The following UBE2S variants were observed in gnomAD, a reference collection of about 807,000 sequenced individuals.
UBE2S encodes the protein ubiquitin-conjugating enzyme E2 S.
In UBE2S, 3 loss-of-function variants were observed where a neutral mutation model predicts 12.3. That is an observed-to-expected ratio of 0.24 (90% CI 0.11 to 0.63). UBE2S has a LOEUF of 0.63. UBE2S is among the 30% of genes least tolerant of loss of function. UBE2S has a pLI of 0.85. For synonymous variants in UBE2S, 133 were observed against 142.0 expected (o/e 0.94, Z 0.45); for missense variants, 211 against 313.9 (o/e 0.67, Z 2.48).
chr19:55,404,040 C>T lies in UBE2S; in HGVS notation c.342+248G>A. 2.0e-6 allele frequency: 1 copy of T among 496,984 alleles called. No homozygotes were observed. The highest frequency in any genetic ancestry group is 3.6e-6 in the Non-Finnish European group (1 of 279,304). 30.8% of individuals were successfully genotyped at this position (496,984 alleles called of 1,614,324 possible). A position where few individuals can be genotyped will look rare whatever the true frequency, so the allele number is the denominator to read the frequency against. ...TAAAAAAAAGGGAGAAGAGAAAAAC[C>T]ATCCTACAATACAAACTCACCACTC... On this transcript the variant is annotated intron_variant, in intron 3 of 3. Transcript: ENST00000264552. The surrounding 1 kb of genome is among the most constrained non-coding windows in gnomAD (Gnocchi z 4.4).
chr19:55,403,266 C>T (rs139299958), intron 3 of UBE2S: 121 of 573,520 alleles, frequency 2.1e-4, no homozygotes, highest in African/African-American at 1.6e-3. Context: ...CTGAGTTTTA[C>T]GGCATGTAAG....
intron 3 of UBE2S, chr19:55,403,111 A>AGTGG: frequency 1.1e-6 from 1 of 898,560 alleles, no homozygotes; most frequent in Non-Finnish European, 1.8e-6. Context: ...ACTAGATGCT[A>AGTGG]GTGGCACCCC....
Position 55,401,220 on chromosome 19 carries a change from C to G in UBE2S, c.*216G>C, listed in dbSNP as rs2090055163. 1.6e-6 allele frequency: 1 copy of G among 623,336 alleles called. No homozygotes were observed. The highest frequency in any genetic ancestry group is 1.8e-5 in the African/African-American group (1 of 54,132). 38.6% of individuals were successfully genotyped at this position (623,336 alleles called of 1,614,324 possible). A position where few individuals can be genotyped will look rare whatever the true frequency, so the allele number is the denominator to read the frequency against. On this transcript the variant is annotated 3_prime_UTR_variant, in exon 4 of 4. Coordinates refer to ENST00000264552, the MANE Select transcript of UBE2S (RefSeq NM_014501.3). ...AGGACCCAGGGCCTGTGCAGGGGAG[C>G]CAAACTCCCAGAGCCACATGGCACC...
At chr19:55,407,127 G>A (rs1205001827) in intron 1 of UBE2S, among the ~76,000 whole-genome samples, 165 bp from the exon 2 acceptor site, 2 of 151,650 alleles carry the variant, frequency 1.3e-5, no homozygotes, top group Non-Finnish European at 2.9e-5. Flanking sequence ...ATCAGCCCAG[G>A]CAGAGTTTCC....
rs533831995 is a variant in UBE2S at position 55,404,246 on chromosome 19, AGAGGCAG to A, written c.342+35_342+41del. On this transcript the variant is annotated intron_variant, in intron 3 of 3. Transcript: ENST00000264552. This position sits in a 1 kb window ranked among gnomAD's most constrained non-coding sequence, Gnocchi z 4.4. ...ATGGCTCAGACACCAGCAGACCTCC[AGAGGCAG>A]GAGGCAGGAGGCCCAGCCCCAGCCC... 5.7e-5 allele frequency: 92 copies of A among 1,608,186 alleles called. No individual in the cohort carries two copies. The highest frequency in any genetic ancestry group is 7.5e-5 in the Non-Finnish European group (88 of 1,176,336).
At chr19:55,405,194 G>C (rs1448564830) in intron 2 of UBE2S, among the ~76,000 whole-genome samples, 1 of 134,854 alleles carries the variant, frequency 7.4e-6, no homozygotes, top group Admixed American at 7.8e-5. Context: ...TGGGCAACAA[G>C]AGCGAAACTC....
intron 3 of UBE2S, among the ~76,000 whole-genome samples, chr19:55,402,668 G>C (rs1192966061): frequency 6.6e-6 from 1 of 152,202 alleles, no homozygotes; most frequent in South Asian, 2.1e-4. Context: ...CCAAACTGCA[G>C]GTCTGGCTGC....
intron 3 of UBE2S, chr19:55,402,839 C>A (rs1164223202): frequency 1.1e-6 from 1 of 949,510 alleles, no homozygotes; most frequent in Non-Finnish European, 1.5e-6. Flanking sequence ...TACCTTGGAG[C>A]TCAATCCTCT....
At chr19:55,407,195 AC>A (rs113965331) in intron 1 of UBE2S, among the ~76,000 whole-genome samples, 21,258 of 114,938 alleles carry the variant, frequency 0.18, 1,452 homozygotes, top group South Asian at 0.29. Context: ...CCACCCCAGA[AC>A]CCCCCCCCCA....
rs1248617978 is a variant in UBE2S, at chr19:55,400,103, TTAG to T, written c.*1330_*1332del. 1 of 152,240 alleles carries T rather than the reference TTAG, an allele frequency of 6.6e-6. No individual in the cohort carries two copies. Among genetic ancestry groups the T allele is most frequent in the African/African-American group, 2.4e-5 (1 of 41,466 alleles). 9.4% of individuals were successfully genotyped at this position (152,240 alleles called of 1,614,324 possible). ...AGCCGTTTCAACCTCAGCTGTTTTA[TTAG>T]AATAGGCAAATTCTTTCAGGACAAA... On this transcript the variant is annotated 3_prime_UTR_variant, in exon 4 of 4. Coordinates refer to ENST00000264552, the MANE Select transcript of UBE2S (RefSeq NM_014501.3).
rs2090106195 is a variant in UBE2S at position 55,407,727 on chromosome 19, C to T, written c.-138G>A. On this transcript the variant is annotated 5_prime_UTR_variant, in exon 1 of 4. Coordinates refer to ENST00000264552, the MANE Select transcript of UBE2S (RefSeq NM_014501.3). ...GGCCCCGCTCCGCTCCCCGCTGCCT[C>T]CGACGTCCGCCGCGCACAGCGTAGA... 1 of 579,242 alleles carries T rather than the reference C, an allele frequency of 1.7e-6. No individual in the cohort carries two copies. The highest frequency in any genetic ancestry group is 4.6e-5 in the Admixed American group (1 of 21,688). 35.9% of individuals were successfully genotyped at this position (579,242 alleles called of 1,614,324 possible). A position where few individuals can be genotyped will look rare whatever the true frequency, so the allele number is the denominator to read the frequency against.
rs2090050394 is a variant in UBE2S at position 55,400,640 on chromosome 19, A to G, written c.*796T>C. ...CTGAAATCAGCCAACAACCATGAGC[A>G]TGGAAGAGGACCCAGACTAAGGAAC... On this transcript the variant is annotated 3_prime_UTR_variant, in exon 4 of 4. Transcript: ENST00000264552. The G allele has an allele frequency of 6.6e-6, 1 of 152,266 alleles. No homozygotes were observed. Among genetic ancestry groups the G allele is most frequent in the Admixed American group, 6.5e-5 (1 of 15,280 alleles). The allele number at this position is 152,266 out of a possible 1,614,324, so 9.4% of individuals were successfully genotyped here. A position where few individuals can be genotyped will look rare whatever the true frequency, so the allele number is the denominator to read the frequency against.
chr19:55,403,494 A>G (rs1344810644), intron 3 of UBE2S, among the ~76,000 whole-genome samples: 1 of 148,404 alleles, frequency 6.7e-6, no homozygotes, highest in African/African-American at 2.6e-5. Flanking sequence ...CTTTAAAACA[A>G]AAAGAAAGAA....
Position 55,400,330 on chromosome 19 carries a change from T to C in UBE2S, c.*1106A>G, listed in dbSNP as rs1337856109. ...TTGCGCCTGGCCTATTTTTAATTTT[T>C]TTAAAATTAATGAGACATTGGTCTA... On this transcript the variant is annotated 3_prime_UTR_variant, in exon 4 of 4. Transcript: ENST00000264552. 1 of 152,210 alleles carries C rather than the reference T, an allele frequency of 6.6e-6. No homozygotes were observed. The allele number at this position is 152,210 out of a possible 1,614,324, so 9.4% of individuals were successfully genotyped here. A position where few individuals can be genotyped will look rare whatever the true frequency, so the allele number is the denominator to read the frequency against.
At chr19:55,402,462 C>T (rs1350661921) in intron 3 of UBE2S, among the ~76,000 whole-genome samples, 2 of 152,212 alleles carry the variant, frequency 1.3e-5, no homozygotes, top group African/African-American at 2.4e-5. Flanking sequence ...AATTGGAGTG[C>T]AGAGGTGTGA....
chr19:55,403,331 A>AT (rs1259482800), intron 3 of UBE2S: 4 of 530,052 alleles, frequency 7.5e-6, no homozygotes, highest in Admixed American at 3.5e-5. Context: ...AACCATAAAA[A>AT]TATAAAAACT....
intron 2 of UBE2S, among the ~76,000 whole-genome samples, chr19:55,405,174 C>T (rs1432245542): frequency 6.8e-6 from 1 of 146,768 alleles, no homozygotes; most frequent in Non-Finnish European, 1.5e-5. Context: ...CGCGCCACTG[C>T]ACTCCAGCCT....
At chr19:55,407,113 G>T in intron 1 of UBE2S, 151 bp from the exon 2 acceptor site, 2 of 972,864 alleles carry the variant, frequency 2.1e-6, no homozygotes, top group Non-Finnish European at 2.9e-6. Context: ...GGATGCTTCA[G>T]GCCATCAGCC....
Position 55,407,703 on chromosome 19 carries a change from G to C in UBE2S, c.-114C>G. 1 of 789,800 alleles carries C rather than the reference G, an allele frequency of 1.3e-6. No homozygotes were observed. The highest frequency in any genetic ancestry group is 1.7e-6 in the Non-Finnish European group (1 of 583,420). The allele number at this position is 789,800 out of a possible 1,614,324, so 48.9% of individuals were successfully genotyped here. Reference sequence around the variant, plus strand: ...CTGCGGCCCTGGAGAGGCCCCGGCGGCCCCGCTCCGCTCCCCGCTGCCTCC... The same window carrying C: ...CTGCGGCCCTGGAGAGGCCCCGGCGCCCCCGCTCCGCTCCCCGCTGCCTCC... On this transcript the variant is annotated 5_prime_UTR_variant, in exon 1 of 4. Coordinates refer to ENST00000264552, the MANE Select transcript of UBE2S (RefSeq NM_014501.3).
Sources: allele counts gnomAD v4.1 joint callset (sites outside exome capture counted in the v4.1 genomes callset), GRCh38; gene constraint gnomAD v4.1.1; non-coding constraint Gnocchi (gnomAD v3.1); transcripts MANE v1.5; gene names NCBI Gene and HGNC (gene_info 2026-07-23, HGNC 2026-07-21).